MCU: variants seen among roughly 807,000 people sequenced by gnomAD.
MCU encodes mitochondrial calcium uniporter.
MCU carries 12 observed loss-of-function variants against 45.2 expected under a neutral mutation model. The ratio of observed to expected loss-of-function variants is 0.27; its 90% confidence interval spans 0.17 to 0.43. MCU has a LOEUF of 0.43. Ranked by LOEUF, MCU falls within the 20% of genes least tolerant of loss-of-function variation. The pLI, the probability that MCU is intolerant of heterozygous loss-of-function variation, is 1.00. For synonymous variants in MCU, 160 were observed against 165.1 expected, an observed-to-expected ratio of 0.97 and a Z score of 0.24; for missense variants, 324 against 436.7, an observed-to-expected ratio of 0.74 and a Z score of 2.30.
chr10:72,882,705 C>CGGTCCTGT (rs1037984277), intron 6 of MCU, among the ~76,000 whole-genome samples: 2 of 152,140 alleles, frequency 1.3e-5, no homozygotes, highest in South Asian at 2.1e-4. Flanking sequence ...AATTTTACCC[C>CGGTCCTGT]GGTCCTGTGG....
chr10:72,711,180 A>G (rs1299699813), intron 1 of MCU, among the ~76,000 whole-genome samples: 1 of 151,746 alleles, frequency 6.6e-6, no homozygotes, highest in Non-Finnish European at 1.5e-5. Context: ...TCTGTCTCAA[A>G]AAAAAAAAAA....
At chr10:72,727,901 ATT>A (rs761774046) in intron 1 of MCU, among the ~76,000 whole-genome samples, 25 of 142,852 alleles carry the variant, frequency 1.8e-4, no homozygotes, top group African/African-American at 4.3e-4. Flanking sequence ...TTTAAGCAGA[ATT>A]TTTTTTTTTT....
At chr10:72,859,695 C>A (rs1376170331) in intron 3 of MCU, among the ~76,000 whole-genome samples, 1 of 151,854 alleles carries the variant, frequency 6.6e-6, no homozygotes, top group East Asian at 1.9e-4. Flanking sequence ...AGTAGTTAAA[C>A]CCTCATCTCT....
chr10:72,851,601 T>G (rs994622350), intron 2 of MCU, among the ~76,000 whole-genome samples: 4 of 152,102 alleles, frequency 2.6e-5, no homozygotes, highest in Non-Finnish European at 5.9e-5. Context: ...AGTCCTCTTC[T>G]GGGTGGGGGC....
chr10:72,852,592 C>T (rs1845223480), intron 2 of MCU, among the ~76,000 whole-genome samples: 1 of 152,176 alleles, frequency 6.6e-6, no homozygotes, highest in African/African-American at 2.4e-5. Flanking sequence ...TTGAACCCTG[C>T]ATTGGTTGAG....
At position 72,884,203 on chromosome 10, in the gene MCU, T is replaced by C. The variant is rs1176862784; in HGVS notation, c.862-63T>C. ...ATATGTATTGAATCTAAGCAGCAGTTAGTAAATATTTTGTGAAGATAGTAT... is the reference window on the plus strand; with the variant it reads ...ATATGTATTGAATCTAAGCAGCAGTCAGTAAATATTTTGTGAAGATAGTAT... On this transcript the variant is annotated intron_variant, in intron 6 of 7. Coordinates refer to ENST00000373053, the MANE Select transcript of MCU (RefSeq NM_138357.3). 48 of 950,608 alleles carry C rather than the reference T, an allele frequency of 5.0e-5. No individual in the cohort carries two copies. In the East Asian group the frequency reaches 1.2e-3, roughly 23 times the overall value. 58.9% of individuals were successfully genotyped at this position (950,608 alleles called of 1,614,324 possible). A position where few individuals can be genotyped will look rare whatever the true frequency, so the allele number is the denominator to read the frequency against.
At chr10:72,854,486 G>A (rs1483299510) in intron 2 of MCU, among the ~76,000 whole-genome samples, 2 of 152,120 alleles carry the variant, frequency 1.3e-5, no homozygotes, top group African/African-American at 2.4e-5. Context: ...ACAATACCAC[G>A]AAGAATGCAA....
At chr10:72,871,615 A>C (rs1438062159) in intron 6 of MCU, 35 bp downstream of exon 6, 2 of 1,552,014 alleles carry the variant, frequency 1.3e-6, no homozygotes, top group Admixed American at 1.7e-5. Flanking sequence ...TTTATGAGAT[A>C]GTAATAAAGT....
In MCU at chr10:72,849,275, C is replaced by CAA. The variant is rs60515928; in HGVS notation, c.221-9883_221-9882dup. Among the ~76,000 whole-genome samples, 312 of 109,698 alleles carry CAA rather than the reference C, an allele frequency of 2.8e-3. 2 individuals carry two copies. Among genetic ancestry groups the CAA allele is most frequent in the African/African-American group, 9.5e-3 (278 of 29,364 alleles). 72.0% of individuals were successfully genotyped at this position (109,698 alleles called of 152,430 possible). On this transcript the variant is annotated intron_variant, in intron 2 of 7. Transcript: ENST00000373053. ...CAGCGTGGGTGATAGAGCAAGACTC[C>CAA]AAAAAAAAAAAAAAAAAAAATCGAA...
intron 1 of MCU, among the ~76,000 whole-genome samples, chr10:72,770,697 T>C (rs989865114): frequency 6.6e-6 from 1 of 152,144 alleles, no homozygotes; most frequent in African/African-American, 2.4e-5. Context: ...CCTTTTGGTA[T>C]TGTTTCCTTA....
intron 1 of MCU, among the ~76,000 whole-genome samples, chr10:72,796,959 A>T (rs773664384): frequency 3.9e-5 from 6 of 152,188 alleles, no homozygotes; most frequent in South Asian, 2.1e-4. Context: ...GCTACTTCTT[A>T]GAATTTATTG....
intron 1 of MCU, among the ~76,000 whole-genome samples, chr10:72,824,544 C>G (rs948390777): frequency 2.0e-5 from 3 of 152,022 alleles, no homozygotes; most frequent in Non-Finnish European, 4.4e-5. Context: ...AGGTTTCTAA[C>G]TAAGTAAGAC....
At chr10:72,768,642 A>G (rs1329451645) in intron 1 of MCU, among the ~76,000 whole-genome samples, 1 of 152,148 alleles carries the variant, frequency 6.6e-6, no homozygotes, top group Non-Finnish European at 1.5e-5. Context: ...ATTGTACCAT[A>G]TTTCATTGCC....
intron 1 of MCU, chr10:72,715,144 G>A: frequency 1.0e-6 from 1 of 984,714 alleles, no homozygotes; most frequent in Non-Finnish European, 1.2e-6. Context: ...TGATTGGCAA[G>A]ATACCGTTTC....
intron 1 of MCU, among the ~76,000 whole-genome samples, chr10:72,811,423 G>A (rs1478517830): frequency 6.6e-6 from 1 of 152,222 alleles, no homozygotes; most frequent in East Asian, 1.9e-4. Context: ...TCAATGAGAA[G>A]AGGGCCAATA....
chr10:72,804,992 A>G lies in MCU; in HGVS notation c.151-29367A>G, dbSNP rs558432615. On this transcript the variant is annotated intron_variant, in intron 1 of 7. Coordinates refer to ENST00000373053, the MANE Select transcript of MCU (RefSeq NM_138357.3). ...TGCTGGTTGCCCAGGCTGCTCTCAAACTGCTAGACTCAAGTGATATTCCTG... is the reference window on the plus strand; with the variant it reads ...TGCTGGTTGCCCAGGCTGCTCTCAAGCTGCTAGACTCAAGTGATATTCCTG... Among the ~76,000 whole-genome samples the G allele has an allele frequency of 7.9e-5, 12 of 151,470 alleles. No individual in the cohort carries two copies. The East Asian group carries it at 2.3e-3, about 30-fold the overall frequency.
chr10:72,696,475 C>T (rs911464801), intron 1 of MCU, among the ~76,000 whole-genome samples: 1 of 152,038 alleles, frequency 6.6e-6, no homozygotes, highest in African/African-American at 2.4e-5. Flanking sequence ...GAGAAAAAAA[C>T]ATTTCCTAGT....
intron 5 of MCU, 65 bp from the exon 6 acceptor site, chr10:72,871,312 A>G (rs927939902): frequency 3.5e-5 from 50 of 1,434,956 alleles, no homozygotes; most frequent in Admixed American, 8.4e-5. Flanking sequence ...GTGAACATAG[A>G]ACAGTTTAAG....
chr10:72,813,724 G>T (rs1273012065), intron 1 of MCU, among the ~76,000 whole-genome samples: 1 of 152,036 alleles, frequency 6.6e-6, no homozygotes, highest in East Asian at 1.9e-4. Flanking sequence ...CTCCCAAATT[G>T]CTGGGATTAC....
Sources: allele counts gnomAD v4.1 joint callset (sites outside exome capture counted in the v4.1 genomes callset), GRCh38; gene constraint gnomAD v4.1.1; transcripts MANE v1.5; gene names NCBI Gene and HGNC (gene_info 2026-07-23, HGNC 2026-07-21).